Variants in TTC34 observed in about 807,000 individuals in gnomAD.
The protein encoded by TTC34 is tetratricopeptide repeat protein 34.
Under a neutral mutation model 40.7 loss-of-function variants are expected in TTC34, and 44 were observed. The observed-to-expected ratio is 1.08, with a 90% CI of 0.85 to 1.39. The LOEUF (loss-of-function observed/expected upper bound fraction) is 1.39, where lower values mean the gene tolerates loss of function less well. Among genes scored for constraint, TTC34 ranks in the 40% most tolerant of loss-of-function variants. The pLI is 0.00. For missense variants in TTC34, 884 were observed against 838.0 expected, an observed-to-expected ratio of 1.05 and a Z score of -0.68; for synonymous variants, 422 against 398.6, an observed-to-expected ratio of 1.06 and a Z score of -0.70.
At chr1:2,685,327 G>T (rs546073131) in intron 6 of TTC34, among the ~76,000 whole-genome samples, 1 of 130,256 alleles carries the variant, frequency 7.7e-6, no homozygotes, top group Non-Finnish European at 1.6e-5. Flanking sequence ...ACCCACAAGC[G>T]AGCATCTGAC....
intron 6 of TTC34, among the ~76,000 whole-genome samples, chr1:2,683,911 C>T (rs368867805): frequency 1.3e-5 from 2 of 148,560 alleles, no homozygotes; most frequent in African/African-American, 2.5e-5. Context: ...TCGGCACCCA[C>T]ACCTCCAGGT....
At chr1:2,652,519 C>CCTG (rs1639181475) in intron 6 of TTC34, among the ~76,000 whole-genome samples, 21 of 19,764 alleles carry the variant, frequency 1.1e-3, no homozygotes, top group Admixed American at 1.5e-3. Flanking sequence ...GCAACAGCAC[C>CCTG]CACACCTCCA....
At chr1:2,750,232 C>T (rs1641270201) in intron 6 of TTC34, among the ~76,000 whole-genome samples, 4 of 152,168 alleles carry the variant, frequency 2.6e-5, no homozygotes, top group Admixed American at 2.0e-4. Context: ...TGGTCTGGAG[C>T]AGCACCCACA....
At chr1:2,692,828 CT>C (rs1640688999) in intron 6 of TTC34, among the ~76,000 whole-genome samples, 5 of 114,120 alleles carry the variant, frequency 4.4e-5, no homozygotes, top group Non-Finnish European at 9.2e-5. Flanking sequence ...ACCCACACCC[CT>C]AGGTGAGCAT....
chr1:2,681,645 G>C lies in TTC34; in HGVS notation c.2227-36082C>G, dbSNP rs111471139. Among the ~76,000 whole-genome samples, 2 of 71,704 alleles carry C rather than the reference G, an allele frequency of 2.8e-5. 1 individual carries two copies. The highest frequency in any genetic ancestry group is 9.8e-5 in the African/African-American group (2 of 20,418). The allele number at this position is 71,704 out of a possible 152,430, so 47.0% of individuals were successfully genotyped here. A position where few individuals can be genotyped will look rare whatever the true frequency, so the allele number is the denominator to read the frequency against. ...CCACACCCCCAGCGAGCACCTGACA[G>C]CCTGGAGCAGCATCCACACCCCCAG... On this transcript the variant is annotated intron_variant, in intron 6 of 8. Coordinates refer to ENST00000401095, the Ensembl canonical transcript of TTC34.
rs560440561 is a variant in TTC34 at position 2,698,992 on chromosome 1, C to G, written c.2227-53429G>C. Among the ~76,000 whole-genome samples the G allele has an allele frequency of 3.6e-4, 44 of 121,726 alleles. 7 individuals carry two copies. Among genetic ancestry groups the G allele is most frequent in the Non-Finnish European group, 7.1e-4 (37 of 52,342 alleles). The allele number at this position is 121,726 out of a possible 152,430, so 79.9% of individuals were successfully genotyped here. A position where few individuals can be genotyped will look rare whatever the true frequency, so the allele number is the denominator to read the frequency against. On this transcript the variant is annotated intron_variant, in intron 6 of 8. Transcript: ENST00000401095. ...GCCCCCCCAGGTGAGCATCTGACAG[C>G]CTGGAAAGGCACCCACACCACCAGG...
intron 6 of TTC34, among the ~76,000 whole-genome samples, chr1:2,753,021 G>A (rs1486370902): frequency 3.9e-5 from 4 of 103,004 alleles, no homozygotes; most frequent in Admixed American, 1.0e-4. Flanking sequence ...TCACCTCCAG[G>A]TGAGCATCCG....
rs1352265873 is a variant in TTC34 at position 2,752,610 on chromosome 1, C to T, written c.2226+30999G>A. Among the ~76,000 whole-genome samples, 3 of 109,840 alleles carry T rather than the reference C, an allele frequency of 2.7e-5. 1 individual carries two copies. Among genetic ancestry groups the T allele is most frequent in the African/African-American group, 1.3e-4 (3 of 23,686 alleles). 72.1% of individuals were successfully genotyped at this position (109,840 alleles called of 152,430 possible). A position where few individuals can be genotyped will look rare whatever the true frequency, so the allele number is the denominator to read the frequency against. ...ATCTGACAACCTGGAACAGGACAAACACCCCCAGGCGAGCATCTGACACCC... is the reference window on the plus strand; with the variant it reads ...ATCTGACAACCTGGAACAGGACAAATACCCCCAGGCGAGCATCTGACACCC... On this transcript the variant is annotated intron_variant, in intron 6 of 8. Transcript: ENST00000401095.
chr1:2,651,508 G>A (rs1639132718), intron 6 of TTC34, among the ~76,000 whole-genome samples: 1 of 150,324 alleles, frequency 6.7e-6, no homozygotes, highest in Non-Finnish European at 1.5e-5. Context: ...GCCTAGAATG[G>A]CACCACCACA....
In TTC34 at chr1:2,749,806, C is replaced by T. The variant is rs1641258180; in HGVS notation, c.2226+33803G>A. 1.7e-4 allele frequency among the ~76,000 whole-genome samples: 20 copies of T among 119,614 alleles called. 2 individuals carry two copies. The highest frequency in any genetic ancestry group is 6.1e-4 in the African/African-American group (17 of 27,880). The allele number at this position is 119,614 out of a possible 152,430, so 78.5% of individuals were successfully genotyped here. ...GACAGCATGTATCAGCACCCACACCCCCAGGTGAGCATCTGACAGCCTGGA... is the reference window on the plus strand; with the variant it reads ...GACAGCATGTATCAGCACCCACACCTCCAGGTGAGCATCTGACAGCCTGGA... On this transcript the variant is annotated intron_variant, in intron 6 of 8. Coordinates refer to ENST00000401095, the Ensembl canonical transcript of TTC34.
intron 6 of TTC34, among the ~76,000 whole-genome samples, chr1:2,678,018 A>T (rs1159178677): frequency 6.8e-5 from 1 of 14,776 alleles, no homozygotes; most frequent in Non-Finnish European, 1.1e-4. Context: ...CACAACCCCA[A>T]GTGAGCATCT....
intron 6 of TTC34, among the ~76,000 whole-genome samples, chr1:2,660,811 A>C (rs1441919659): frequency 1.0e-5 from 1 of 95,488 alleles, no homozygotes. Flanking sequence ...AGCATCTGAC[A>C]GCCTGGAACA....
intron 6 of TTC34, among the ~76,000 whole-genome samples, chr1:2,701,749 GA>G (rs1641140160): frequency 1.3e-5 from 1 of 74,458 alleles, no homozygotes; most frequent in African/African-American, 3.8e-5. Context: ...AGCCCCAGGT[GA>G]GGATCTGACA....
intron 6 of TTC34, among the ~76,000 whole-genome samples, chr1:2,652,445 C>A (rs77623181): frequency 0.16 from 3,554 of 22,356 alleles, no homozygotes; most frequent in Middle Eastern, 0.25. Context: ...GCACCCACAC[C>A]CCCAGGTGAG....
chr1:2,648,277 A>G (rs555414418), intron 6 of TTC34, among the ~76,000 whole-genome samples: 8 of 152,192 alleles, frequency 5.3e-5, no homozygotes, highest in African/African-American at 1.9e-4. Context: ...CTGTCCTGCA[A>G]GGGGGCTGAT....
chr1:2,785,287 C>G (rs1472566689), intron 5 of TTC34, among the ~76,000 whole-genome samples: 5 of 94,610 alleles, frequency 5.3e-5, no homozygotes, highest in African/African-American at 2.3e-4. Context: ...TCCAGGCTCT[C>G]ACACTCCCTG....
intron 6 of TTC34, among the ~76,000 whole-genome samples, chr1:2,685,144 G>C (rs1387060026): frequency 1.4e-5 from 2 of 143,972 alleles, no homozygotes; most frequent in Admixed American, 6.9e-5. Flanking sequence ...GGACGGCCTG[G>C]AACAGCACCC....
At chr1:2,756,918 C>T (rs1641525875) in intron 6 of TTC34, among the ~76,000 whole-genome samples, 6 of 151,408 alleles carry the variant, frequency 4.0e-5, no homozygotes, top group Admixed American at 6.6e-5. Flanking sequence ...CACAGTTGAG[C>T]ATCTGACAGC....
intron 6 of TTC34, among the ~76,000 whole-genome samples, chr1:2,687,831 G>T (rs1640435087): frequency 6.6e-6 from 1 of 151,324 alleles, no homozygotes; most frequent in African/African-American, 2.5e-5. Flanking sequence ...CTGATGGTCT[G>T]GAGCATTACC....
Sources: gnomAD v4.1 joint callset for allele counts (sites outside exome capture counted in the v4.1 genomes callset) on GRCh38, gnomAD v4.1.1 for gene constraint, MANE v1.5 for transcripts, NCBI Gene and HGNC (gene_info 2026-07-23, HGNC 2026-07-21) for gene names.